The following RASSF3 variants were observed in gnomAD, a reference collection of about 807,000 sequenced individuals.
RASSF3 encodes the protein Ras association domain family member 3.
Under a neutral mutation model 19.9 loss-of-function variants are expected in RASSF3, and 19 were observed. The observed-to-expected ratio is 0.96, with a 90% CI of 0.67 to 1.40. The LOEUF (loss-of-function observed/expected upper bound fraction) is 1.40. Among genes scored for constraint, RASSF3 ranks in the 40% most tolerant of loss-of-function variants. The pLI is 0.00. For missense variants in RASSF3, 306 were observed against 289.8 expected, an observed-to-expected ratio of 1.06 and a Z score of -0.41; for synonymous variants, 110 against 104.2, an observed-to-expected ratio of 1.06 and a Z score of -0.34.
At chr12:64,666,115 C>T (rs7959471) in intron 1 of RASSF3, among the ~76,000 whole-genome samples, 16,454 of 152,222 alleles carry the variant, frequency 0.11, 1,076 homozygotes, top group East Asian at 0.29. Flanking sequence ...CTTTTTTGTG[C>T]TTAATTTATT....
intron 1 of RASSF3, among the ~76,000 whole-genome samples, chr12:64,638,726 A>C (rs574664540): frequency 6.6e-6 from 1 of 152,170 alleles, no homozygotes; most frequent in East Asian, 1.9e-4. Flanking sequence ...CATTTTGATC[A>C]TTGCCATCCA....
rs763156753 is a variant in RASSF3, at chr12:64,514,053, C to CT, written c.169+6739dup. On this transcript the variant is annotated intron_variant, in intron 1 of 5. Transcript: ENST00000637125. ...CGCCACCACACCCAGCTACTTTTTG[C>CT]TTTTTTTTTTTTTTTAGTAGAGACG... Among the ~76,000 whole-genome samples, 211 of 133,610 alleles carry CT rather than the reference C, an allele frequency of 1.6e-3. 2 individuals are homozygous for CT. The South Asian group carries it at 0.024, about 15-fold the overall frequency. 87.7% of individuals were successfully genotyped at this position (133,610 alleles called of 152,430 possible). A position where few individuals can be genotyped will look rare whatever the true frequency, so the allele number is the denominator to read the frequency against.
chr12:64,697,064 T>C lies in RASSF3; in HGVS notation c.*2152T>C, dbSNP rs1266770435. On this transcript the variant is annotated 3_prime_UTR_variant, in exon 5 of 5. Coordinates refer to ENST00000542104, the MANE Select transcript of RASSF3 (RefSeq NM_178169.4). Reference sequence around the variant, plus strand: ...GTAGCTGATGGGTATCTGTGAATTTTTTTTTTTTTTTTTTTTTTACTTGAA... The same window carrying C: ...GTAGCTGATGGGTATCTGTGAATTTCTTTTTTTTTTTTTTTTTTACTTGAA... The C allele has an allele frequency of 1.3e-5, 2 of 150,660 alleles. No homozygotes were observed. Among genetic ancestry groups the C allele is most frequent in the African/African-American group, 4.9e-5 (2 of 41,058 alleles). The allele number at this position is 150,660 out of a possible 1,614,324, so 9.3% of individuals were successfully genotyped here. A position where few individuals can be genotyped will look rare whatever the true frequency, so the allele number is the denominator to read the frequency against.
intron 1 of RASSF3, among the ~76,000 whole-genome samples, chr12:64,513,720 T>C (rs1592384433): frequency 6.6e-6 from 1 of 152,086 alleles, no homozygotes; most frequent in Non-Finnish European, 1.5e-5. Flanking sequence ...AACCTCCAAA[T>C]TGTTCTAGTC....
chr12:64,661,004 T>G (rs1280395281), intron 1 of RASSF3, among the ~76,000 whole-genome samples: 3 of 152,168 alleles, frequency 2.0e-5, no homozygotes, highest in East Asian at 3.8e-4. Context: ...CTTGTGAACG[T>G]GTGCTCTCAG....
At chr12:64,589,719 C>T (rs1869883453) in intron 2 of RASSF3, among the ~76,000 whole-genome samples, 1 of 151,668 alleles carries the variant, frequency 6.6e-6, no homozygotes, top group Admixed American at 6.6e-5. Context: ...AGTTTGAGAC[C>T]TGGCTGGGTG....
rs537174337 is a variant in RASSF3, at chr12:64,672,477, C to T, written c.112-12310C>T. Reference sequence around the variant, plus strand: ...CTAACCTCAGATGTTCCACCCACCTCGGCCTCCCAAAGTGCTGGGATTACA... The same window carrying T: ...CTAACCTCAGATGTTCCACCCACCTTGGCCTCCCAAAGTGCTGGGATTACA... On this transcript the variant is annotated intron_variant, in intron 1 of 4. Coordinates refer to ENST00000542104, the MANE Select transcript of RASSF3 (RefSeq NM_178169.4). Among the ~76,000 whole-genome samples the T allele has an allele frequency of 2.7e-4, 41 of 152,234 alleles. No homozygotes were observed. The South Asian group carries it at 4.6e-3, about 17-fold the overall frequency.
At chr12:64,626,448 A>T (rs1222291000) in intron 1 of RASSF3, among the ~76,000 whole-genome samples, 4 of 147,198 alleles carry the variant, frequency 2.7e-5, no homozygotes, top group African/African-American at 1.0e-4. Context: ...ACATCATGCC[A>T]CTGCACTCCA....
intron 2 of RASSF3, among the ~76,000 whole-genome samples, chr12:64,547,324 T>C (rs553978082): frequency 6.7e-6 from 1 of 149,698 alleles, no homozygotes; most frequent in African/African-American, 2.4e-5. Context: ...TCCCAGCACT[T>C]TGGGAGGCTG....
At chr12:64,526,856 C>A (rs1868599607) in intron 1 of RASSF3, among the ~76,000 whole-genome samples, 1 of 152,212 alleles carries the variant, frequency 6.6e-6, no homozygotes, top group African/African-American at 2.4e-5. Context: ...CTGAGTTCAA[C>A]TTTGTTAAAT....
In RASSF3 at chr12:64,597,184, G is replaced by GATTGCTCTGATGCCCAGA. The variant is rs1870011560; in HGVS notation, c.294+55479_294+55480insATTGCTCTGATGCCCAGA. On this transcript the variant is annotated intron_variant, in intron 2 of 5. Coordinates refer to the RASSF3 transcript ENST00000637125. Reference sequence around the variant, plus strand: ...GCCTTGCTCTGTTGCCCAGACTGGAGTGCAGTGGCTCGATCTTCGCTCACT... The same window carrying GATTGCTCTGATGCCCAGA: ...GCCTTGCTCTGTTGCCCAGACTGGAGATTGCTCTGATGCCCAGATGCAGTGGCTCGATCTTCGCTCACT... 5.9e-5 allele frequency among the ~76,000 whole-genome samples: 9 copies of GATTGCTCTGATGCCCAGA among 152,140 alleles called. No homozygotes were observed. The South Asian group carries it at 1.7e-3, about 28-fold the overall frequency.
intron 1 of RASSF3, among the ~76,000 whole-genome samples, chr12:64,643,366 A>G (rs1871613461): frequency 6.6e-6 from 1 of 152,128 alleles, no homozygotes; most frequent in African/African-American, 2.4e-5. Flanking sequence ...ATGGAAAAGA[A>G]TTTTAAAACA....
chr12:64,635,590 T>C (rs970423958), intron 1 of RASSF3, among the ~76,000 whole-genome samples: 1 of 152,222 alleles, frequency 6.6e-6, no homozygotes, highest in Non-Finnish European at 1.5e-5. Context: ...CTCTGTGATG[T>C]GGTACAGTTA....
chr12:64,559,429 TTG>T (rs1300185623), intron 2 of RASSF3, among the ~76,000 whole-genome samples: 1 of 151,198 alleles, frequency 6.6e-6, no homozygotes, highest in Non-Finnish European at 1.5e-5. Context: ...TTTGTTGTTG[TTG>T]TTGTTGTTGT....
At chr12:64,533,731 A>T (rs964054088) in intron 1 of RASSF3, 1 of 152,184 alleles carries the variant, frequency 6.6e-6, no homozygotes, top group Admixed American at 6.6e-5. Flanking sequence ...TGCAGTTCAG[A>T]TTCTTCCTAA....
chr12:64,516,499 G>T (rs1237321412), intron 1 of RASSF3, among the ~76,000 whole-genome samples: 6 of 149,406 alleles, frequency 4.0e-5, no homozygotes, highest in Admixed American at 3.3e-4. Context: ...GGCGCCTGTA[G>T]TCCCAGCTAC....
chr12:64,688,510 T>A, intron 3 of RASSF3, 57 bp downstream of exon 3: 1 of 1,233,228 alleles, frequency 8.1e-7, no homozygotes, highest in Non-Finnish European at 1.2e-6. Context: ...TCTGCTGTTC[T>A]CATTAGCAGA....
intron 1 of RASSF3, among the ~76,000 whole-genome samples, chr12:64,655,801 C>T (rs1191947774): frequency 1.3e-5 from 2 of 151,850 alleles, no homozygotes; most frequent in South Asian, 4.2e-4. Context: ...CCGAGGCGGG[C>T]GGATCACGTG....
exon 2 of RASSF3, chr12:64,541,694 A>ATCAATC (rs1868936896): frequency 7.5e-6 from 3 of 398,640 alleles, no homozygotes; most frequent in African/African-American, 6.2e-5. Flanking sequence ...TTCAATCAAA[A>ATCAATC]AGAACAGTCA....
Sources: allele counts gnomAD v4.1 joint callset (sites outside exome capture counted in the v4.1 genomes callset), GRCh38; gene constraint gnomAD v4.1.1; transcripts MANE v1.5; gene names NCBI Gene and HGNC (gene_info 2026-07-23, HGNC 2026-07-21).